ECT2: variants seen among roughly 807,000 people sequenced by gnomAD.
ECT2 encodes protein ECT2.
Under a neutral mutation model 116.9 loss-of-function variants are expected in ECT2, and 61 were observed. That is an observed-to-expected ratio of 0.52 (90% confidence interval 0.42 to 0.65). The LOEUF (loss-of-function observed/expected upper bound fraction) is 0.65, where lower values mean the gene tolerates loss of function less well. Ranked by LOEUF, ECT2 falls within the 30% of genes least tolerant of loss-of-function variation. ECT2 has a pLI of 0.00. For missense variants in ECT2, 937 were observed against 1,078.7 expected, an observed-to-expected ratio of 0.87 and a Z score of 1.84; for synonymous variants, 358 against 346.4, an observed-to-expected ratio of 1.03 and a Z score of -0.37.
chr3:172,788,922 G>A (rs1380146333), intron 18 of ECT2, among the ~76,000 whole-genome samples: 2 of 152,008 alleles, frequency 1.3e-5, no homozygotes, highest in Admixed American at 6.6e-5. Flanking sequence ...GCTGGGCATG[G>A]TTGTGGGTGC....
rs780731184 is a variant in ECT2, at chr3:172,764,436, T to G, written c.1227T>G (p.His409Gln). ...FPPRKRPSAEHSLSIGSLLDI... is the reference protein window; with the variant it reads ...FPPRKRPSAEQSLSIGSLLDI... ...CCCGTAAGCGCCCATCAGCTGAGCA[T>G]TCCCTTTCCATAGGGTCACTCCTAG... is the stretch of plus-strand genomic sequence containing the variant. Residue 409 changes from histidine (H) to glutamine (Q), a missense_variant, in exon 12 of 25, where the codon CAT becomes CAG. By Grantham distance (24) the His-to-Gln change is conservative. Transcript: ENST00000392692. 2 of 1,614,140 alleles carry G rather than the reference T, an allele frequency of 1.2e-6. No individual in the cohort carries two copies. The highest frequency in any genetic ancestry group is 1.6e-4 in the Middle Eastern group (1 of 6,062).
chr3:172,777,556 A>G (rs1721966546), intron 14 of ECT2, among the ~76,000 whole-genome samples: 1 of 152,110 alleles, frequency 6.6e-6, no homozygotes, highest in African/African-American at 2.4e-5. Flanking sequence ...TTTCCTCAGT[A>G]TGAATTTTTC....
chr3:172,807,851 A>G lies in ECT2; in HGVS notation c.2327A>G (p.Asp776Gly). The G allele has an allele frequency of 1.2e-6, 2 of 1,613,998 alleles. No homozygotes were observed. Among genetic ancestry groups the G allele is most frequent in the Non-Finnish European group, 1.7e-6 (2 of 1,179,890 alleles). The change falls in exon 22 of 25, where the codon GAT becomes GGT. Residue 776 changes from aspartate to glycine, a missense_variant. By Grantham distance (94) the Asp-to-Gly change is moderately conservative (BLOSUM62 -1). Coordinates refer to ENST00000392692, the MANE Select transcript of ECT2 (RefSeq NM_001258315.2). ...CTACTCAGTTTCCAGATGACATCAG[A>G]TGAACTTCCAAAAGAAAACTGGCTA... ...NVLLSFQMTSDELPKENWLKM... is the reference protein window; with the variant it reads ...NVLLSFQMTSGELPKENWLKM...
the ECT2 span, chr3:172,829,072 T>C: frequency 1.4e-6 from 1 of 706,154 alleles, no homozygotes; most frequent in South Asian, 1.4e-5. Flanking sequence ...AGATGAACTC[T>C]CTGGGCTATT....
At position 172,760,170 on chromosome 3, in the gene ECT2, A is replaced by C. The variant is rs200619925; in HGVS notation, c.591A>C (p.Thr197=). The C allele has an allele frequency of 3.9e-4, 630 of 1,607,360 alleles. No individual in the cohort carries two copies. Among genetic ancestry groups the C allele is most frequent in the Middle Eastern group, 5.0e-4 (3 of 6,036 alleles). Residue 197 remains threonine (T), a synonymous_variant, in exon 7 of 25, where the codon ACA becomes ACC. Transcript: ENST00000392692. ...TTTCTTTTGAGGTCAGGTTGGTGAC[A>C]TTGGTCCATCACATGGGTGGAGTTA... ...RKKEELVRLV[T]LVHHMGGVIR...
intron 18 of ECT2, among the ~76,000 whole-genome samples, chr3:172,797,018 C>G (rs1725775643): frequency 7.2e-6 from 1 of 139,032 alleles, no homozygotes; most frequent in South Asian, 2.5e-4. Flanking sequence ...TCAGGTTCAA[C>G]TGTGTGTGTG....
intron 24 of ECT2, 108 bp downstream of exon 24, chr3:172,816,945 A>G (rs1729825734): frequency 1.1e-6 from 1 of 930,296 alleles, no homozygotes; most frequent in East Asian, 2.8e-5. Context: ...AAAAATTTTA[A>G]TAATTTTATT....
chr3:172,759,239 A>G (rs1213812920), intron 6 of ECT2, among the ~76,000 whole-genome samples, 170 bp downstream of exon 6: 1 of 152,192 alleles, frequency 6.6e-6, no homozygotes, highest in Non-Finnish European at 1.5e-5. Flanking sequence ...GAAGAGCCTT[A>G]TAAAGAGACC....
At chr3:172,825,891 C>G (rs542466817), downstream of ECT2, among the ~76,000 whole-genome samples, 15 of 152,164 alleles carry the variant, frequency 9.9e-5, no homozygotes, top group Non-Finnish European at 1.6e-4. Flanking sequence ...AAAACGCCAT[C>G]TAAGACTTTC....
intron 23 of ECT2, among the ~76,000 whole-genome samples, chr3:172,815,973 T>C (rs1350709932): frequency 1.3e-5 from 2 of 152,122 alleles, no homozygotes; most frequent in African/African-American, 2.4e-5. Flanking sequence ...GTTGGTGTTT[T>C]AGATTTAAAT....
chr3:172,828,173 T>TA, the ECT2 span, among the ~76,000 whole-genome samples: 5 of 152,292 alleles, frequency 3.3e-5, no homozygotes, highest in East Asian at 5.8e-4. Context: ...TAATAAAAGA[T>TA]ACACAAAATC....
intron 13 of ECT2, among the ~76,000 whole-genome samples, chr3:172,769,618 A>C (rs577094376): frequency 6.6e-6 from 1 of 152,296 alleles, no homozygotes; most frequent in East Asian, 1.9e-4. Flanking sequence ...GACACATGAA[A>C]TATGCAGTGG....
chr3:172,764,723 T>C (rs1718995896), intron 12 of ECT2, among the ~76,000 whole-genome samples: 3 of 152,234 alleles, frequency 2.0e-5, no homozygotes, highest in South Asian at 2.1e-4. Context: ...GTGTTTATAA[T>C]AGATTTTATT....
Position 172,764,420 on chromosome 3 carries a change from G to A in ECT2, c.1211G>A (p.Arg404His). The A allele has an allele frequency of 6.2e-7, 1 of 1,614,074 alleles. No homozygotes were observed. The highest frequency in any genetic ancestry group is 8.5e-7 in the Non-Finnish European group (1 of 1,179,990). The change falls in exon 12 of 25, where the codon CGC (arginine) becomes CAC (histidine). Residue 404 changes from arginine to histidine, a missense_variant. Arg to His is a conservative substitution (Grantham distance 29). Coordinates refer to ENST00000392692, the MANE Select transcript of ECT2 (RefSeq NM_001258315.2). ...TDVSPFPPRK[R>H]PSAEHSLSIG... Reference sequence around the variant, plus strand: ...GTGTCACCATTTCCACCCCGTAAGCGCCCATCAGCTGAGCATTCCCTTTCC... The same window carrying A: ...GTGTCACCATTTCCACCCCGTAAGCACCCATCAGCTGAGCATTCCCTTTCC...
At chr3:172,826,311 C>T (rs1730841940), downstream of ECT2, among the ~76,000 whole-genome samples, 1 of 152,204 alleles carries the variant, frequency 6.6e-6, no homozygotes, top group African/African-American at 2.4e-5. Flanking sequence ...TGTTTATTGA[C>T]CATTCTGAAA....
At position 172,821,281 on chromosome 3, in the gene ECT2, CT is replaced by C. The variant is rs1730655207; in HGVS notation, c.*1045del. 6.6e-6 allele frequency: 1 copy of C among 151,700 alleles called. No homozygotes were observed. The highest frequency in any genetic ancestry group is 1.5e-5 in the Non-Finnish European group (1 of 67,744). The allele number at this position is 151,700 out of a possible 1,614,324, so 9.4% of individuals were successfully genotyped here. A position where few individuals can be genotyped will look rare whatever the true frequency, so the allele number is the denominator to read the frequency against. The stretch of plus-strand genomic sequence containing the variant: ...ATATGGATAAATGCATTTTTATTTC[CT>C]ATTTCTTTAGGGAGTGCTACAAATG... On this transcript the variant is annotated 3_prime_UTR_variant, in exon 25 of 25. Coordinates refer to ENST00000392692, the MANE Select transcript of ECT2 (RefSeq NM_001258315.2).
chr3:172,758,359 T>G (rs1717491283), intron 5 of ECT2, among the ~76,000 whole-genome samples: 2 of 152,294 alleles, frequency 1.3e-5, no homozygotes, highest in Non-Finnish European at 1.5e-5. Context: ...TTGGAGTGGT[T>G]GGTTTCAAAA....
intron 8 of ECT2, 43 bp from the exon 9 acceptor site, chr3:172,762,368 CTTGAA>C: frequency 7.2e-6 from 11 of 1,531,812 alleles, no homozygotes; most frequent in Non-Finnish European, 9.6e-6. Context: ...ATACCTAACA[CTTGAA>C]TTTAAGTTAA....
intron 12 of ECT2, 61 bp from the exon 13 acceptor site, chr3:172,768,946 A>C: frequency 1.4e-6 from 2 of 1,460,390 alleles, no homozygotes; most frequent in South Asian, 2.9e-5. Context: ...TGTTAAGTCT[A>C]CATAATGTTT....
Sources: allele counts gnomAD v4.1 joint callset (sites outside exome capture counted in the v4.1 genomes callset), GRCh38; gene constraint gnomAD v4.1.1; transcripts MANE v1.5; gene names NCBI Gene and HGNC (gene_info 2026-07-23, HGNC 2026-07-21).